Variants in UGT3A1 observed in about 807,000 individuals in gnomAD.
UGT3A1 encodes UDP-glycosyltransferase 3A1.
A neutral mutation model predicts 37.6 loss-of-function variants in UGT3A1; 40 were observed. The observed-to-expected ratio is 1.06, with a 90% CI of 0.83 to 1.38. UGT3A1 has a LOEUF of 1.38. Ranked by LOEUF, UGT3A1 falls within the 40% of genes most tolerant of loss-of-function variation. The pLI is 0.00. For missense variants in UGT3A1, 642 were observed against 634.2 expected (o/e 1.01, Z -0.13); for synonymous variants, 256 against 232.3 (o/e 1.10, Z -0.93).
rs375000458 is a variant in UGT3A1, at chr5:35,955,708, C to T, written c.1232G>A (p.Arg411Gln). ...TGTGTCGGCTGTGACCTGATTCAAC[C>T]GGATAGAGACACCATAATTTTTGGC... ...VVAKNYGVSI[R>Q]LNQVTADTLT... is the part of the protein sequence containing the mutation. The change falls in exon 6 of 7, where the codon CGG (arginine) becomes CAG (glutamine). Residue 411 changes from arginine (R) to glutamine (Q), a missense_variant. Arg to Gln is a conservative substitution (Grantham distance 43). Coordinates refer to ENST00000274278, the MANE Select transcript of UGT3A1 (RefSeq NM_152404.4). 309 of 1,614,044 alleles carry T rather than the reference C, an allele frequency of 1.9e-4. No homozygotes were observed. Among genetic ancestry groups the T allele is most frequent in the Middle Eastern group, 3.3e-4 (2 of 6,084 alleles).
chr5:35,968,728 C>G (rs940438087), intron 2 of UGT3A1, among the ~76,000 whole-genome samples: 1 of 152,108 alleles, frequency 6.6e-6, no homozygotes, highest in Non-Finnish European at 1.5e-5. Flanking sequence ...GACTCCTTTC[C>G]AGCCCCAGCT....
intron 2 of UGT3A1, among the ~76,000 whole-genome samples, chr5:35,987,193 T>C (rs1346843384): frequency 6.6e-6 from 1 of 152,170 alleles, no homozygotes; most frequent in African/African-American, 2.4e-5. Context: ...AGTATTTCAA[T>C]ACACTGATTT....
chr5:35,966,113 C>T (rs1328817519), intron 3 of UGT3A1, among the ~76,000 whole-genome samples, 196 bp from the exon 4 acceptor site: 1 of 152,142 alleles, frequency 6.6e-6, no homozygotes, highest in Non-Finnish European at 1.5e-5. Flanking sequence ...CTAAAATGTC[C>T]CCACTTGCTC....
chr5:35,992,294 G>A (rs1246062457), upstream of UGT3A1, among the ~76,000 whole-genome samples: 2 of 152,022 alleles, frequency 1.3e-5, no homozygotes, highest in Admixed American at 1.3e-4. Context: ...CATGTTCATT[G>A]TGGAGAGGGA....
At chr5:35,992,922 A>C (rs1740993722), upstream of UGT3A1, among the ~76,000 whole-genome samples, 1 of 152,148 alleles carries the variant, frequency 6.6e-6, no homozygotes, top group Non-Finnish European at 1.5e-5. Flanking sequence ...TTGGTTCCTA[A>C]ATAAGATGGC....
chr5:35,983,784 C>A (rs548749537), intron 2 of UGT3A1, among the ~76,000 whole-genome samples: 1 of 152,032 alleles, frequency 6.6e-6, no homozygotes, highest in Non-Finnish European at 1.5e-5. Context: ...ATAAACAGAA[C>A]CAAGAACAAA....
At chr5:35,981,458 T>C (rs571009645) in intron 2 of UGT3A1, among the ~76,000 whole-genome samples, 6 of 152,186 alleles carry the variant, frequency 3.9e-5, no homozygotes, top group Non-Finnish European at 8.8e-5. Context: ...AAAAGGTCAC[T>C]CTTTCTATGC....
At chr5:35,996,022 CAAAA>C (rs111488776), upstream of UGT3A1, among the ~76,000 whole-genome samples, 5 of 111,204 alleles carry the variant, frequency 4.5e-5, no homozygotes, top group Non-Finnish European at 7.7e-5. Flanking sequence ...TGCGCTATGA[CAAAA>C]AAAAAAAAAA....
intron 2 of UGT3A1, among the ~76,000 whole-genome samples, chr5:35,980,730 T>C (rs542725217): frequency 6.6e-6 from 1 of 152,370 alleles, no homozygotes; most frequent in African/African-American, 2.4e-5. Context: ...CCTGTCATTA[T>C]CTATCCATGG....
At chr5:35,996,176 G>T (rs1030031865), upstream of UGT3A1, among the ~76,000 whole-genome samples, 1 of 152,100 alleles carries the variant, frequency 6.6e-6, no homozygotes, top group Non-Finnish European at 1.5e-5. Context: ...TGTAAAAGAC[G>T]AGGATACCTT....
chr5:35,983,672 C>A (rs190484901), intron 2 of UGT3A1, among the ~76,000 whole-genome samples: 24 of 152,130 alleles, frequency 1.6e-4, no homozygotes, highest in Admixed American at 1.5e-3. Flanking sequence ...AAAACAAATT[C>A]AACAACACAT....
At chr5:35,991,394 C>G (rs1416578235), upstream of UGT3A1, 28 of 1,464,394 alleles carry the variant, frequency 1.9e-5, no homozygotes, top group Admixed American at 2.7e-5. Flanking sequence ...CCCTTCTGTT[C>G]GTTCTCTTTC....
intron 6 of UGT3A1, chr5:35,955,266 G>T: frequency 2.7e-6 from 1 of 365,248 alleles, no homozygotes; most frequent in Non-Finnish European, 5.0e-6. Context: ...GAGAAGGGAA[G>T]GGTGTTCTAG....
chr5:35,957,045 C>T, intron 5 of UGT3A1, 143 bp downstream of exon 5: 5 of 655,440 alleles, frequency 7.6e-6, no homozygotes. Context: ...GCTGGCTGTT[C>T]TTTTCCTGTC....
chr5:35,980,870 A>C (rs775893809), intron 2 of UGT3A1, among the ~76,000 whole-genome samples: 1 of 152,236 alleles, frequency 6.6e-6, no homozygotes, highest in Non-Finnish European at 1.5e-5. Context: ...TATGGTGAAC[A>C]CCACTTATAA....
intron 2 of UGT3A1, among the ~76,000 whole-genome samples, chr5:35,972,494 CGTGTGTGTGTGTGTGTGTGT>C (rs4024103): frequency 7.1e-6 from 1 of 141,338 alleles, no homozygotes; most frequent in Non-Finnish European, 1.5e-5. Flanking sequence ...CCTTGAAATA[CGTGTGTGTGTGTGTGTGTGT>C]GTGTGTGTGT....
At chr5:35,970,062 A>G (rs967641028) in intron 2 of UGT3A1, among the ~76,000 whole-genome samples, 2 of 152,148 alleles carry the variant, frequency 1.3e-5, no homozygotes, top group Admixed American at 6.6e-5. Context: ...GCAAAGAGAG[A>G]GAGAGCTTGT....
At chr5:35,984,865 A>T (rs1302519890) in intron 2 of UGT3A1, among the ~76,000 whole-genome samples, 1 of 152,096 alleles carries the variant, frequency 6.6e-6, no homozygotes, top group African/African-American at 2.4e-5. Context: ...TAAATGTGGA[A>T]TCTGAATCTT....
In UGT3A1 at chr5:35,954,246, C is replaced by A; in HGVS notation, c.1528G>T (p.Val510Leu). The A allele has an allele frequency of 6.2e-7, 1 of 1,614,188 alleles. No homozygotes were observed. Among genetic ancestry groups the A allele is most frequent in the Non-Finnish European group, 8.5e-7 (1 of 1,180,036 alleles). Residue 510 changes from valine (V) to leucine (L), a missense_variant, in exon 7 of 7, where the codon GTG (valine) becomes TTG (leucine). Transcript: ENST00000274278. ...MWLCGKLLGV[V>L]ARWLRGARKV... ...CTGGCCCCACGCAGCCACCTGGCCA[C>A]CACACCCAGCAGCTTCCCACAAAGC...
Sources: allele counts gnomAD v4.1 joint callset (sites outside exome capture counted in the v4.1 genomes callset), GRCh38; gene constraint gnomAD v4.1.1; transcripts MANE v1.5; gene names NCBI Gene and HGNC (gene_info 2026-07-23, HGNC 2026-07-21).